Variants in SYNPO2 observed in about 807,000 individuals in gnomAD.
SYNPO2 encodes synaptopodin 2.
Under a neutral mutation model 85.0 loss-of-function variants are expected in SYNPO2, and 56 were observed. That is an observed-to-expected ratio of 0.66 (90% CI 0.53 to 0.82). The LOEUF is 0.82. Among genes scored for constraint, SYNPO2 ranks in the 40% least tolerant of loss-of-function variants. The pLI is 0.00. For synonymous variants in SYNPO2, 602 were observed against 591.1 expected (o/e 1.02, Z -0.27); for missense variants, 1,575 against 1,534.2 (o/e 1.03, Z -0.44).
At chr4:118,914,733 A>T (rs1342514410) in intron 1 of SYNPO2, among the ~76,000 whole-genome samples, 1 of 152,170 alleles carries the variant, frequency 6.6e-6, no homozygotes, top group African/African-American at 2.4e-5. Context: ...AAGGAAAGAC[A>T]GCAAATAAAA....
chr4:119,036,906 C>A (rs1313315057), intron 4 of SYNPO2: 1 of 1,185,350 alleles, frequency 8.4e-7, no homozygotes, highest in Non-Finnish European at 1.0e-6. Context: ...CAAAGGTTTG[C>A]CAGCCAATAA....
rs1733139212 is a variant in SYNPO2, at chr4:118,911,585, C to G, written c.105+22444C>G. ...GCATAAAAGTTTCTTGGCAAGTTCC[C>G]ATGATAGCATTAAAAACTCTATAGT... On this transcript the variant is annotated intron_variant, in intron 1 of 4. Transcript: ENST00000307142. 3.9e-5 allele frequency among the ~76,000 whole-genome samples: 6 copies of G among 152,120 alleles called. No homozygotes were observed. The South Asian group carries it at 1.2e-3, about 32-fold the overall frequency.
At chr4:119,035,542 T>C in intron 4 of SYNPO2, 1 of 985,476 alleles carries the variant, frequency 1.0e-6, no homozygotes, top group Non-Finnish European at 1.2e-6. Context: ...CTAGAGCATG[T>C]CAAACTTTGT....
At chr4:118,986,738 T>C (rs1339833506) in intron 1 of SYNPO2, among the ~76,000 whole-genome samples, 1 of 152,210 alleles carries the variant, frequency 6.6e-6, no homozygotes, top group Non-Finnish European at 1.5e-5. Flanking sequence ...CTAATAATTT[T>C]ACTTCCACAT....
At chr4:118,893,818 G>A (rs762720929) in intron 1 of SYNPO2, among the ~76,000 whole-genome samples, 7 of 150,582 alleles carry the variant, frequency 4.6e-5, no homozygotes, top group African/African-American at 9.8e-5. Context: ...TGATAATAAC[G>A]TATTGTATAT....
intron 1 of SYNPO2, among the ~76,000 whole-genome samples, chr4:118,980,547 C>T (rs187572678): frequency 1.5e-3 from 230 of 152,140 alleles, no homozygotes; most frequent in African/African-American, 2.2e-3. Context: ...ATCATTCCAC[C>T]GACTGGACTA....
chr4:118,943,792 A>G (rs1578572537), intron 1 of SYNPO2, among the ~76,000 whole-genome samples: 2 of 152,248 alleles, frequency 1.3e-5, no homozygotes, highest in Admixed American at 1.3e-4. Flanking sequence ...TCTAAAGGCA[A>G]TTTTAAAATG....
chr4:119,002,146 A>ACTGT (rs1382460643), intron 1 of SYNPO2, among the ~76,000 whole-genome samples: 1 of 152,154 alleles, frequency 6.6e-6, no homozygotes, highest in African/African-American at 2.4e-5. Flanking sequence ...ATAATTGACA[A>ACTGT]CTGTCTTTCT....
At chr4:118,976,990 A>G (rs1445275470) in intron 1 of SYNPO2, among the ~76,000 whole-genome samples, 1 of 152,224 alleles carries the variant, frequency 6.6e-6, no homozygotes, top group African/African-American at 2.4e-5. Context: ...GGCTTCACCT[A>G]GAGGATCCCG....
At chr4:118,977,034 C>T (rs188955640) in intron 1 of SYNPO2, among the ~76,000 whole-genome samples, 8 of 152,344 alleles carry the variant, frequency 5.3e-5, no homozygotes, top group South Asian at 4.1e-4. Flanking sequence ...CCTGCCAGTC[C>T]GGCGCCGTGC....
At chr4:118,919,001 T>C (rs1044227972) in intron 1 of SYNPO2, among the ~76,000 whole-genome samples, 1 of 152,180 alleles carries the variant, frequency 6.6e-6, no homozygotes, top group South Asian at 2.1e-4. Context: ...AAACTAAATA[T>C]ACATTTTAAA....
Position 119,058,070 on chromosome 4 carries a change from G to T in SYNPO2, c.*136G>T, listed in dbSNP as rs535672528. ...TCTCATAAGTCATTTATCTAAGTTT[G>T]TGTTTCTGTGTGTGTGTGTGTGTGT... On this transcript the variant is annotated 3_prime_UTR_variant, in exon 5 of 5. Transcript: ENST00000307142. 976 of 813,564 alleles carry T rather than the reference G, an allele frequency of 1.2e-3. 6 individuals are homozygous for T. In the African/African-American group the frequency reaches 0.022, roughly 19 times the overall value. 50.4% of individuals were successfully genotyped at this position (813,564 alleles called of 1,614,324 possible). A position where few individuals can be genotyped will look rare whatever the true frequency, so the allele number is the denominator to read the frequency against.
At chr4:118,938,575 T>C (rs1734194768) in intron 1 of SYNPO2, among the ~76,000 whole-genome samples, 1 of 152,188 alleles carries the variant, frequency 6.6e-6, no homozygotes, top group South Asian at 2.1e-4. Flanking sequence ...GTTATTGTTA[T>C]TCAAATTAGA....
At chr4:118,917,310 G>GTCATT (rs1733372893) in intron 1 of SYNPO2, among the ~76,000 whole-genome samples, 1 of 152,140 alleles carries the variant, frequency 6.6e-6, no homozygotes, top group Non-Finnish European at 1.5e-5. Context: ...AGAATCGCTT[G>GTCATT]AACCCAGGAG....
At chr4:119,040,924 C>T (rs1251602604) in intron 4 of SYNPO2, among the ~76,000 whole-genome samples, 1 of 152,202 alleles carries the variant, frequency 6.6e-6, no homozygotes, top group Non-Finnish European at 1.5e-5. Context: ...ATCCCCTTGC[C>T]TGAGAGGCAT....
rs567887187 is a variant in SYNPO2, at chr4:119,045,581, A to G, written c.3253-11820A>G. Among the ~76,000 whole-genome samples the G allele has an allele frequency of 5.9e-5, 9 of 152,340 alleles. 1 individual carries two copies. In the Middle Eastern group the frequency reaches 0.017, roughly 288 times the overall value. On this transcript the variant is annotated intron_variant, in intron 4 of 4. Transcript: ENST00000307142. Reference sequence around the variant, plus strand: ...AACTGACGAAGTCTGAACTTTTTATATATACTATTCACTTTTTCTACCGTG... The same window carrying G: ...AACTGACGAAGTCTGAACTTTTTATGTATACTATTCACTTTTTCTACCGTG...
intron 1 of SYNPO2, among the ~76,000 whole-genome samples, chr4:118,883,721 T>TC (rs1732152074): frequency 6.6e-6 from 1 of 151,866 alleles, no homozygotes; most frequent in Non-Finnish European, 1.5e-5. Context: ...TTCTTTTTTT[T>TC]TTCTCTTGCT....
intron 1 of SYNPO2, among the ~76,000 whole-genome samples, chr4:118,883,052 C>T (rs1732137112): frequency 6.6e-6 from 1 of 150,742 alleles, no homozygotes; most frequent in Non-Finnish European, 1.5e-5. Context: ...TGAGCCACCG[C>T]GCCCCGCCTG....
At chr4:119,041,889 G>T (rs1738726848) in intron 4 of SYNPO2, 1 of 152,170 alleles carries the variant, frequency 6.6e-6, no homozygotes, top group South Asian at 2.1e-4. Context: ...CTAGGAATTT[G>T]TTTTTGTAAC....
Sources: gnomAD v4.1 joint callset for allele counts (sites outside exome capture counted in the v4.1 genomes callset) on GRCh38, gnomAD v4.1.1 for gene constraint, MANE v1.5 for transcripts, NCBI Gene and HGNC (gene_info 2026-07-23, HGNC 2026-07-21) for gene names.